Variants in DCC observed in about 807,000 individuals in gnomAD.
DCC encodes the protein netrin receptor DCC.
Under a neutral mutation model 172.5 loss-of-function variants are expected in DCC, and 58 were observed. The observed-to-expected ratio is 0.34, with a 90% confidence interval of 0.27 to 0.42. The LOEUF (loss-of-function observed/expected upper bound fraction) is 0.42, where lower values mean the gene tolerates loss of function less well. Among genes scored for constraint, DCC ranks in the 10% least tolerant of loss-of-function variants. The probability of loss-of-function intolerance (pLI) is 1.00; values close to 1 mark genes in which losing one functional copy is unlikely to be tolerated. For missense variants in DCC, 1,740 were observed against 1,791.0 expected (o/e 0.97, Z 0.51); for synonymous variants, 709 against 644.5 (o/e 1.10, Z -1.52).
intron 26 of DCC, among the ~76,000 whole-genome samples, chr18:53,487,211 G>C (rs887916756): frequency 6.6e-6 from 1 of 152,102 alleles, no homozygotes; most frequent in Non-Finnish European, 1.5e-5. Context: ...ATGTCAAGTG[G>C]TTCCATCAAA....
chr18:52,963,277 A>T (rs913495322), intron 5 of DCC, among the ~76,000 whole-genome samples: 1 of 151,696 alleles, frequency 6.6e-6, no homozygotes, highest in African/African-American at 2.4e-5. Context: ...CTTATTTTCC[A>T]TAATAAGCAT....
In DCC at chr18:53,207,829, A is replaced by G. The variant is rs745691764; in HGVS notation, c.1861+12A>G. The G allele has an allele frequency of 1.9e-6, 3 of 1,600,078 alleles. No homozygotes were observed. The highest frequency in any genetic ancestry group is 1.7e-5 in the Admixed American group (1 of 59,994). On this transcript the variant is annotated intron_variant, in intron 11 of 28. Coordinates refer to ENST00000442544, the MANE Select transcript of DCC (RefSeq NM_005215.4). ...TACACTTTCTGACGGTAAGTTAAAAACAGTGAAACTCCTTTTACATATTTG... is the reference window on the plus strand; with the variant it reads ...TACACTTTCTGACGGTAAGTTAAAAGCAGTGAAACTCCTTTTACATATTTG...
At chr18:52,486,277 C>T (rs570665415) in intron 1 of DCC, among the ~76,000 whole-genome samples, 14 of 152,156 alleles carry the variant, frequency 9.2e-5, no homozygotes, top group East Asian at 3.9e-4. Context: ...CCCTGGCCAG[C>T]GTTTAGAAAC....
At chr18:52,433,544 T>TA (rs1339956710) in intron 1 of DCC, among the ~76,000 whole-genome samples, 3 of 152,142 alleles carry the variant, frequency 2.0e-5, no homozygotes, top group Admixed American at 1.3e-4. Context: ...TTATATACAC[T>TA]AAAAATTGGT....
chr18:53,039,074 G>C (rs1413589449), intron 5 of DCC, among the ~76,000 whole-genome samples: 1 of 151,958 alleles, frequency 6.6e-6, no homozygotes, highest in African/African-American at 2.4e-5. Context: ...ATTTCATCTT[G>C]CATGCATCCC....
chr18:53,230,059 C>T (rs1482402559), intron 12 of DCC, among the ~76,000 whole-genome samples: 1 of 152,050 alleles, frequency 6.6e-6, no homozygotes, highest in African/African-American at 2.4e-5. Context: ...ATAAGTATCT[C>T]CAGATTACAT....
chr18:53,289,098 C>A (rs2056968499), intron 12 of DCC, among the ~76,000 whole-genome samples: 1 of 152,142 alleles, frequency 6.6e-6, no homozygotes. Flanking sequence ...TCAGCCTTTA[C>A]AGACATTAAT....
At chr18:52,944,495 T>A (rs2040511328) in intron 5 of DCC, among the ~76,000 whole-genome samples, 2 of 152,128 alleles carry the variant, frequency 1.3e-5, no homozygotes, top group Non-Finnish European at 2.9e-5. Context: ...CCAGTTTTTC[T>A]TTAAGAGTTT....
At chr18:52,887,897 T>C (rs935498382) in intron 2 of DCC, among the ~76,000 whole-genome samples, 4 of 152,188 alleles carry the variant, frequency 2.6e-5, no homozygotes, top group Non-Finnish European at 5.9e-5. Context: ...ACCTTTCTTA[T>C]GGTTTTCACT....
At chr18:53,285,250 C>T (rs1598983350) in intron 12 of DCC, among the ~76,000 whole-genome samples, 1 of 152,282 alleles carries the variant, frequency 6.6e-6, no homozygotes, top group South Asian at 2.1e-4. Context: ...GGCAGACCCT[C>T]CCATTATAGG....
chr18:52,818,499 A>G (rs1253283750), intron 2 of DCC, among the ~76,000 whole-genome samples: 3 of 152,094 alleles, frequency 2.0e-5, no homozygotes, highest in Non-Finnish European at 4.4e-5. Flanking sequence ...AATTAGAGCC[A>G]TTTGTAAAAT....
chr18:53,073,282 T>C (rs2042680003), intron 7 of DCC, among the ~76,000 whole-genome samples: 4 of 152,156 alleles, frequency 2.6e-5, no homozygotes, highest in Admixed American at 2.6e-4. Flanking sequence ...TCACAGCACT[T>C]TGGGAGGCCA....
At chr18:52,594,002 G>A (rs2144803144) in intron 1 of DCC, among the ~76,000 whole-genome samples, 1 of 152,292 alleles carries the variant, frequency 6.6e-6, no homozygotes, top group East Asian at 1.9e-4. Context: ...GACCTACAAG[G>A]CCATGTGTTT....
intron 1 of DCC, among the ~76,000 whole-genome samples, chr18:52,687,220 T>C (rs546051961): frequency 2.0e-5 from 3 of 152,232 alleles, no homozygotes; most frequent in South Asian, 4.1e-4. Flanking sequence ...AATCACTCTT[T>C]TGGAACATTA....
At chr18:53,382,562 A>C (rs576813503) in intron 15 of DCC, among the ~76,000 whole-genome samples, 1 of 152,178 alleles carries the variant, frequency 6.6e-6, no homozygotes, top group South Asian at 2.1e-4. Flanking sequence ...TATATCACAT[A>C]CTTTATTGTT....
At chr18:53,358,844 C>T (rs1335263772) in intron 15 of DCC, among the ~76,000 whole-genome samples, 1 of 152,068 alleles carries the variant, frequency 6.6e-6, no homozygotes, top group Admixed American at 6.6e-5. Flanking sequence ...CTAACATATT[C>T]TAGGCTACCA....
At chr18:52,640,559 A>G (rs978886293) in intron 1 of DCC, among the ~76,000 whole-genome samples, 1 of 152,120 alleles carries the variant, frequency 6.6e-6, no homozygotes, top group Non-Finnish European at 1.5e-5. Flanking sequence ...TCTTCTATAT[A>G]CCAACAGCAA....
At chr18:53,191,909 G>C (rs376456875) in intron 9 of DCC, among the ~76,000 whole-genome samples, 65 of 152,198 alleles carry the variant, frequency 4.3e-4, no homozygotes, top group African/African-American at 1.4e-3. Flanking sequence ...AGCACACCAG[G>C]GTTCCCGTAT....
Position 53,111,770 on chromosome 18 carries a change from A to G in DCC, c.1262-45586A>G, listed in dbSNP as rs558792001. On this transcript the variant is annotated intron_variant, in intron 7 of 28. Transcript: ENST00000442544. The stretch of plus-strand genomic sequence containing the variant: ...CTGTTGGAATTAATTGAATAACTGC[A>G]TATGCAATAGAACCTCTAAGTATAA... 9.2e-4 allele frequency among the ~76,000 whole-genome samples: 139 copies of G among 151,856 alleles called. 1 individual carries two copies. The Middle Eastern group carries it at 0.014, about 15-fold the overall frequency.
Sources: gnomAD v4.1 joint callset for allele counts (sites outside exome capture counted in the v4.1 genomes callset) on GRCh38, gnomAD v4.1.1 for gene constraint, MANE v1.5 for transcripts, NCBI Gene and HGNC (gene_info 2026-07-23, HGNC 2026-07-21) for gene names.